Variants in ITFG1 observed in about 807,000 individuals in gnomAD.
ITFG1 encodes integrin alpha FG-GAP repeat containing 1, also known as T-cell immunomodulatory protein.
ITFG1 carries 34 observed loss-of-function variants against 81.8 expected under a neutral mutation model. The ratio of observed to expected loss-of-function variants is 0.42; its 90% CI spans 0.32 to 0.55. ITFG1 has a LOEUF of 0.55. ITFG1 is among the 20% of genes least tolerant of loss of function. ITFG1 has a pLI of 0.17. For missense variants in ITFG1, 672 were observed against 755.4 expected (o/e 0.89, Z 1.29); for synonymous variants, 285 against 270.6 (o/e 1.05, Z -0.52).
chr16:47,392,433 A>C (rs1349132157), intron 6 of ITFG1, among the ~76,000 whole-genome samples: 1 of 152,124 alleles, frequency 6.6e-6, no homozygotes, highest in African/African-American at 2.4e-5. Flanking sequence ...TGTGGCTGGG[A>C]CAGGGAAATA....
intron 13 of ITFG1, among the ~76,000 whole-genome samples, chr16:47,236,991 G>A (rs1047974443): frequency 2.0e-5 from 3 of 152,188 alleles, no homozygotes; most frequent in Non-Finnish European, 4.4e-5. Flanking sequence ...TGTGATTGAT[G>A]CAAGAGTTCA....
In ITFG1 at chr16:47,374,636, C is replaced by T. The variant is rs140196248; in HGVS notation, c.720+1240G>A. 5.8e-3 allele frequency among the ~76,000 whole-genome samples: 880 copies of T among 152,186 alleles called. 7 individuals are homozygous for T. Among genetic ancestry groups the T allele is most frequent in the African/African-American group, 0.02 (832 of 41,502 alleles). On this transcript the variant is annotated intron_variant, in intron 7 of 17. Transcript: ENST00000320640. ...CTCCCAGCAGTGGGGACTTAATGTACGGCAGTCATAAAAATATAGCAACCA... is the reference window on the plus strand; with the variant it reads ...CTCCCAGCAGTGGGGACTTAATGTATGGCAGTCATAAAAATATAGCAACCA...
At chr16:47,292,723 C>G (rs1966923928) in intron 10 of ITFG1, among the ~76,000 whole-genome samples, 1 of 151,404 alleles carries the variant, frequency 6.6e-6, no homozygotes, top group Admixed American at 6.6e-5. Context: ...ATTCTGCACA[C>G]TAGAAACTTG....
intron 6 of ITFG1, among the ~76,000 whole-genome samples, chr16:47,417,949 A>G (rs1421060520): frequency 6.6e-6 from 1 of 152,172 alleles, no homozygotes; most frequent in African/African-American, 2.4e-5. Context: ...TGTGTGAAAC[A>G]TCCATACTGT....
chr16:47,258,795 AAAATG>A, intron 11 of ITFG1, 55 bp from the exon 12 acceptor site: 1 of 725,424 alleles, frequency 1.4e-6, no homozygotes, highest in Admixed American at 3.2e-5. Context: ...AACTAAAAAA[AAAATG>A]ACCATTAAAA....
At chr16:47,436,453 G>A (rs949177606) in intron 5 of ITFG1, among the ~76,000 whole-genome samples, 1 of 151,910 alleles carries the variant, frequency 6.6e-6, no homozygotes, top group African/African-American at 2.4e-5. Flanking sequence ...TTAAGCCAAA[G>A]GTAAAATTTT....
At chr16:47,411,353 G>A (rs1485985102) in intron 6 of ITFG1, among the ~76,000 whole-genome samples, 1 of 152,178 alleles carries the variant, frequency 6.6e-6, no homozygotes, top group Non-Finnish European at 1.5e-5. Context: ...GGGGGCAGGA[G>A]GCTTGGAAGA....
rs74551512 is a variant in ITFG1 at position 47,433,421 on chromosome 16, G to A, written c.561-4523C>T. Among the ~76,000 whole-genome samples the A allele has an allele frequency of 4.9e-3, 742 of 152,264 alleles. 6 individuals are homozygous for A. Among genetic ancestry groups the A allele is most frequent in the African/African-American group, 0.017 (688 of 41,550 alleles). ...CTGGCTTTGTTCAGACAGAGCTAGC[G>A]TCTAAAGACAACCCAAGTGTTAATT... On this transcript the variant is annotated intron_variant, in intron 5 of 17. Transcript: ENST00000320640.
intron 16 of ITFG1, among the ~76,000 whole-genome samples, chr16:47,160,003 A>G (rs1400429798): frequency 6.6e-6 from 1 of 152,124 alleles, no homozygotes; most frequent in East Asian, 1.9e-4. Flanking sequence ...GAAAAAAGCT[A>G]TGGTATAATT....
At chr16:47,384,015 C>T (rs572660978) in intron 6 of ITFG1, among the ~76,000 whole-genome samples, 2 of 152,296 alleles carry the variant, frequency 1.3e-5, no homozygotes, top group Admixed American at 1.3e-4. Flanking sequence ...TGACAGAACT[C>T]TAAATTTTCA....
At chr16:47,319,865 C>A (rs973591063) in intron 8 of ITFG1, among the ~76,000 whole-genome samples, 4 of 152,192 alleles carry the variant, frequency 2.6e-5, no homozygotes, top group African/African-American at 4.8e-5. Context: ...AAACAATTTT[C>A]ACCTTGTGTA....
intron 6 of ITFG1, among the ~76,000 whole-genome samples, chr16:47,428,296 G>A (rs558912137): frequency 7.9e-5 from 12 of 152,250 alleles, no homozygotes; most frequent in African/African-American, 2.6e-4. Flanking sequence ...GGAACTTGTA[G>A]GTGCATTTAC....
chr16:47,223,283 TCA>T (rs1287244033), intron 13 of ITFG1, among the ~76,000 whole-genome samples: 1 of 152,022 alleles, frequency 6.6e-6, no homozygotes, highest in African/African-American at 2.4e-5. Flanking sequence ...GAAACTACCA[TCA>T]GAGTGAACAG....
At chr16:47,272,562 A>G (rs1285084163) in intron 10 of ITFG1, among the ~76,000 whole-genome samples, 1 of 151,912 alleles carries the variant, frequency 6.6e-6, no homozygotes, top group African/African-American at 2.4e-5. Flanking sequence ...CGCCCAGCTA[A>G]TTTTTGCATT....
intron 10 of ITFG1, among the ~76,000 whole-genome samples, chr16:47,268,228 AT>A (rs547802822): frequency 6.6e-6 from 1 of 152,156 alleles, no homozygotes; most frequent in Non-Finnish European, 1.5e-5. Context: ...AATTTTAGGG[AT>A]TTTAAAAGGA....
At chr16:47,184,883 C>T (rs1965189716) in intron 14 of ITFG1, among the ~76,000 whole-genome samples, 2 of 152,008 alleles carry the variant, frequency 1.3e-5, no homozygotes, top group African/African-American at 4.8e-5. Context: ...TCAGAAAACC[C>T]ATCTCACGTG....
intron 10 of ITFG1, among the ~76,000 whole-genome samples, chr16:47,293,378 G>A (rs1381178766): frequency 1.3e-5 from 2 of 151,716 alleles, no homozygotes; most frequent in East Asian, 3.9e-4. Flanking sequence ...TCCAGTAGTG[G>A]GATTGCTGCA....
At chr16:47,344,450 T>C (rs1596913251) in intron 8 of ITFG1, among the ~76,000 whole-genome samples, 4 of 152,328 alleles carry the variant, frequency 2.6e-5, no homozygotes, top group African/African-American at 7.2e-5. Context: ...TAAAACTCAC[T>C]GAACTCTACA....
At chr16:47,187,039 G>C (rs1310603031) in intron 14 of ITFG1, among the ~76,000 whole-genome samples, 2 of 152,048 alleles carry the variant, frequency 1.3e-5, no homozygotes. Context: ...AAATACCTAG[G>C]AATCCAACTT....
Sources: allele counts gnomAD v4.1 joint callset (sites outside exome capture counted in the v4.1 genomes callset), GRCh38; gene constraint gnomAD v4.1.1; transcripts MANE v1.5; gene names NCBI Gene and HGNC (gene_info 2026-07-23, HGNC 2026-07-21).